The following HSD17B12 variants were observed in gnomAD, a reference collection of about 807,000 sequenced individuals.
HSD17B12 encodes hydroxysteroid 17-beta dehydrogenase 12.
Under a neutral mutation model 39.3 loss-of-function variants are expected in HSD17B12, and 32 were observed. The observed-to-expected ratio is 0.81, with a 90% CI of 0.61 to 1.09. The LOEUF (loss-of-function observed/expected upper bound fraction) is 1.09, where lower values mean the gene tolerates loss of function less well. Among genes scored for constraint, HSD17B12 ranks in the 50% least tolerant of loss-of-function variants. HSD17B12 has a pLI of 0.00. For synonymous variants in HSD17B12, 150 were observed against 146.7 expected (o/e 1.02, Z -0.16); for missense variants, 342 against 382.9 (o/e 0.89, Z 0.89).
At chr11:43,717,234 T>G (rs1427498297) in intron 1 of HSD17B12, among the ~76,000 whole-genome samples, 3 of 152,226 alleles carry the variant, frequency 2.0e-5, no homozygotes, top group East Asian at 1.9e-4. Context: ...CCATGAGGAC[T>G]TTAATTCACT....
chr11:43,603,281 G>C, the HSD17B12 span, among the ~76,000 whole-genome samples: 74 of 152,248 alleles, frequency 4.9e-4, no homozygotes, highest in African/African-American at 1.7e-3. Context: ...CATCAGTAAT[G>C]AGTGAAGCAA....
At chr11:43,738,883 G>A (rs1950339683) in intron 1 of HSD17B12, among the ~76,000 whole-genome samples, 1 of 152,124 alleles carries the variant, frequency 6.6e-6, no homozygotes, top group South Asian at 2.1e-4. Context: ...AGCATGAACC[G>A]AAAGCACTCT....
At chr11:43,571,260 G>A in the HSD17B12 span, among the ~76,000 whole-genome samples, 1 of 152,310 alleles carries the variant, frequency 6.6e-6, no homozygotes, top group African/African-American at 2.4e-5. Flanking sequence ...AACTTATGCA[G>A]GTATCTCTAA....
Position 43,732,206 on chromosome 11 carries a change from A to G in HSD17B12, c.161-18705A>G, listed in dbSNP as rs1950274101. Among the ~76,000 whole-genome samples the G allele has an allele frequency of 2.0e-5, 3 of 152,298 alleles. No homozygotes were observed. The South Asian group carries it at 6.2e-4, about 32-fold the overall frequency. ...ACTTCTCCTTGCTGCCACCATGTGA[A>G]GAAGGATGTGTTTGCGTCCCTTTCT... On this transcript the variant is annotated intron_variant, in intron 1 of 10. Transcript: ENST00000278353.
At chr11:43,582,488 C>T in the HSD17B12 span, among the ~76,000 whole-genome samples, 16 of 152,354 alleles carry the variant, frequency 1.1e-4, no homozygotes, top group African/African-American at 3.8e-4. Flanking sequence ...GACGCCCTTG[C>T]CCTTAGGGAC....
the HSD17B12 span, among the ~76,000 whole-genome samples, chr11:43,653,408 A>C: frequency 0.027 from 4,055 of 152,058 alleles, 79 homozygotes; most frequent in South Asian, 0.11. Flanking sequence ...TTTTTTTCTT[A>C]TTATTATTAT....
At chr11:43,626,194 A>G in the HSD17B12 span, among the ~76,000 whole-genome samples, 1 of 151,666 alleles carries the variant, frequency 6.6e-6, no homozygotes, top group Non-Finnish European at 1.5e-5. Context: ...TAGAAATTCT[A>G]TTTTAAAACA....
intron 4 of HSD17B12, among the ~76,000 whole-genome samples, chr11:43,799,538 C>G (rs1384737812): frequency 6.6e-6 from 1 of 152,112 alleles, no homozygotes; most frequent in South Asian, 2.1e-4. Flanking sequence ...AACTTTCCCA[C>G]CGCTCTTTGA....
At chr11:43,576,842 C>A in the HSD17B12 span, among the ~76,000 whole-genome samples, 1 of 152,044 alleles carries the variant, frequency 6.6e-6, no homozygotes, top group African/African-American at 2.4e-5. Context: ...CCGGGAATCA[C>A]CCTGACGAAT....
the HSD17B12 span, among the ~76,000 whole-genome samples, chr11:43,579,803 G>A: frequency 0.016 from 2,368 of 152,056 alleles, 57 homozygotes; most frequent in African/African-American, 0.054. Flanking sequence ...GGGTCGACAG[G>A]GACTTGAAGA....
the HSD17B12 span, among the ~76,000 whole-genome samples, chr11:43,566,313 C>T: frequency 1.1e-3 from 173 of 152,246 alleles, 6 homozygotes; most frequent in South Asian, 0.034. Context: ...TATTTTTAAC[C>T]TTCCTGAATG....
chr11:43,811,028 G>A (rs550164762), intron 4 of HSD17B12, among the ~76,000 whole-genome samples: 2 of 152,276 alleles, frequency 1.3e-5, no homozygotes, highest in East Asian at 3.9e-4. Context: ...GGCATTGCGT[G>A]CACCCATTCT....
chr11:43,662,534 AG>A, the HSD17B12 span, among the ~76,000 whole-genome samples: 1 of 151,716 alleles, frequency 6.6e-6, no homozygotes, highest in African/African-American at 2.4e-5. Flanking sequence ...AAAAAAAAAA[AG>A]AAAAAGAAAA....
In HSD17B12 at chr11:43,815,458, A is replaced by T; in HGVS notation, c.413A>T (p.Tyr138Phe). ...GILVNNVGMS[Y>F]EYPEYFLDVP... ...TCAGTGAACAACGTGGGAATGTCGT[A>T]TGAGTATCCTGAATACTTTTTGGAT... is the stretch of plus-strand genomic sequence containing the variant. Residue 138 changes from tyrosine to phenylalanine, a missense_variant, in exon 5 of 11, where the codon TAT (tyrosine) becomes TTT (phenylalanine). Coordinates refer to ENST00000278353, the MANE Select transcript of HSD17B12 (RefSeq NM_016142.3). 6.3e-7 allele frequency: 1 copy of T among 1,578,282 alleles called. No individual in the cohort carries two copies. The highest frequency in any genetic ancestry group is 1.7e-5 in the Admixed American group (1 of 59,714).
the HSD17B12 span, among the ~76,000 whole-genome samples, chr11:43,667,399 G>T: frequency 9.9e-5 from 15 of 152,068 alleles, no homozygotes; most frequent in East Asian, 2.3e-3. Context: ...TGATCCGCCC[G>T]CCTCAGCCTC....
intron 3 of HSD17B12, among the ~76,000 whole-genome samples, chr11:43,786,484 G>T (rs919337355): frequency 6.6e-6 from 1 of 152,104 alleles, no homozygotes; most frequent in Non-Finnish European, 1.5e-5. Context: ...ACCCACCATT[G>T]CTTTTCTCAA....
Position 43,788,048 on chromosome 11 carries a change from G to A in HSD17B12, c.284-10272G>A, listed in dbSNP as rs545284745. On this transcript the variant is annotated intron_variant, in intron 3 of 10. Transcript: ENST00000278353. ...TCAGCATTTTTAAAATAAAGGTACT[G>A]TGTGATATTTGACTTCTAATTAATT... is the stretch of plus-strand genomic sequence containing the variant. Among the ~76,000 whole-genome samples the A allele has an allele frequency of 3.9e-5, 6 of 152,316 alleles. No homozygotes were observed. The South Asian group carries it at 1.0e-3, about 26-fold the overall frequency.
the HSD17B12 span, among the ~76,000 whole-genome samples, chr11:43,613,317 A>G: frequency 2.0e-5 from 3 of 151,990 alleles, no homozygotes; most frequent in African/African-American, 7.3e-5. Context: ...GCTTGAGCCT[A>G]AAAGGCAGAG....
chr11:43,810,270 G>A (rs1951057603), intron 4 of HSD17B12, among the ~76,000 whole-genome samples: 1 of 151,490 alleles, frequency 6.6e-6, no homozygotes, highest in African/African-American at 2.4e-5. Flanking sequence ...AGTGAGATCA[G>A]CAGCAAACGA....
Sources: allele counts gnomAD v4.1 joint callset (sites outside exome capture counted in the v4.1 genomes callset), GRCh38; gene constraint gnomAD v4.1.1; transcripts MANE v1.5; gene names NCBI Gene and HGNC (gene_info 2026-07-23, HGNC 2026-07-21).